SPESP1: variants seen among roughly 807,000 people sequenced by gnomAD.
SPESP1 encodes sperm equatorial segment protein 1.
Under a neutral mutation model 3.1 loss-of-function variants are expected in SPESP1, and 1 was observed. That is an observed-to-expected ratio of 0.33 (90% CI 0.12 to 1.54). The LOEUF is 1.54. SPESP1 is among the 40% of genes most tolerant of loss of function. The pLI, the probability that SPESP1 is intolerant of heterozygous loss-of-function variation, is 0.38. For synonymous variants in SPESP1, 138 were observed against 150.7 expected (o/e 0.92, Z 0.62); for missense variants, 398 against 410.1 (o/e 0.97, Z 0.26).
chr15:68,944,022 C>G (rs1895896114), intron 1 of SPESP1, among the ~76,000 whole-genome samples: 2 of 152,060 alleles, frequency 1.3e-5, no homozygotes, highest in African/African-American at 4.8e-5. Flanking sequence ...AGAAAGTTTA[C>G]TTTATTTAGC....
At position 68,946,150 on chromosome 15, in the gene SPESP1, A is replaced by G; in HGVS notation, c.616A>G (p.Thr206Ala). 1.2e-6 allele frequency: 2 copies of G among 1,614,212 alleles called. No homozygotes were observed. The highest frequency in any genetic ancestry group is 1.7e-6 in the Non-Finnish European group (2 of 1,180,028). ...AGATGTTCCTCAGCTCTCAGGTGAA[A>G]CTGCGATAGAAAAACCCGAAGAGTT... ...SEDVPQLSGE[T>A]AIEKPEEFGK... The change falls in exon 2 of 2, where the codon ACT (threonine) becomes GCT (alanine). Residue 206 changes from threonine to alanine, a missense_variant. Coordinates refer to ENST00000310673, the MANE Select transcript of SPESP1 (RefSeq NM_145658.4).
intron 1 of SPESP1, among the ~76,000 whole-genome samples, chr15:68,937,199 A>G (rs1895703062): frequency 6.6e-6 from 1 of 152,206 alleles, no homozygotes; most frequent in African/African-American, 2.4e-5. Flanking sequence ...AAATTACTAG[A>G]AGTGCAATTA....
chr15:68,933,412 C>T (rs1320191773), intron 1 of SPESP1, among the ~76,000 whole-genome samples: 1 of 152,156 alleles, frequency 6.6e-6, no homozygotes, highest in Non-Finnish European at 1.5e-5. Context: ...TTTATACATT[C>T]AGTTTCCTCT....
At chr15:68,930,766 A>G (rs775586546) in intron 1 of SPESP1, 49 bp downstream of exon 1, 1 of 1,612,220 alleles carries the variant, frequency 6.2e-7, no homozygotes, top group Non-Finnish European at 8.5e-7. Flanking sequence ...CCCTGGGGGA[A>G]CTTCCCGAGC....
intron 1 of SPESP1, among the ~76,000 whole-genome samples, chr15:68,933,554 CT>C (rs1567061886): frequency 6.6e-6 from 1 of 150,576 alleles, no homozygotes; most frequent in African/African-American, 2.4e-5. Context: ...ATTCTTTTTG[CT>C]TTAAAAAAAA....
chr15:68,931,393 C>T (rs1027273942), intron 1 of SPESP1, among the ~76,000 whole-genome samples: 1 of 152,122 alleles, frequency 6.6e-6, no homozygotes, highest in Non-Finnish European at 1.5e-5. Context: ...CACGCTCATT[C>T]CTTTACGTAT....
intron 1 of SPESP1, among the ~76,000 whole-genome samples, chr15:68,941,607 G>T (rs1229684791): frequency 1.4e-5 from 2 of 140,648 alleles, no homozygotes; most frequent in Non-Finnish European, 3.1e-5. Context: ...CCTCTTCTGG[G>T]TGTGTGTCAA....
chr15:68,934,803 T>TA (rs1895642570), intron 1 of SPESP1, among the ~76,000 whole-genome samples: 1 of 152,196 alleles, frequency 6.6e-6, no homozygotes, highest in Non-Finnish European at 1.5e-5. Context: ...TGAAGCATTT[T>TA]AAAAACACAC....
intron 1 of SPESP1, among the ~76,000 whole-genome samples, chr15:68,944,641 C>T (rs1288895922): frequency 6.6e-6 from 1 of 152,100 alleles, no homozygotes; most frequent in Non-Finnish European, 1.5e-5. Flanking sequence ...AACTCACAAA[C>T]TTTTTCTGTA....
chr15:68,933,306 A>C (rs1163270500), intron 1 of SPESP1, among the ~76,000 whole-genome samples: 1 of 152,188 alleles, frequency 6.6e-6, no homozygotes, highest in African/African-American at 2.4e-5. Context: ...AGTTAGACAT[A>C]AATGCAGCTT....
At chr15:68,930,794 T>A (rs1895512760) in intron 1 of SPESP1, 77 bp downstream of exon 1, 1 of 1,603,734 alleles carries the variant, frequency 6.2e-7, no homozygotes, top group Non-Finnish European at 8.5e-7. Context: ...CCTCGAAGCC[T>A]GGCCCTTCCT....
At chr15:68,935,663 G>C (rs1164916339) in intron 1 of SPESP1, among the ~76,000 whole-genome samples, 2 of 152,242 alleles carry the variant, frequency 1.3e-5, no homozygotes, top group Non-Finnish European at 2.9e-5. Flanking sequence ...ATAGCAGGAA[G>C]TGTAAAGCCA....
intron 1 of SPESP1, among the ~76,000 whole-genome samples, chr15:68,937,375 T>C (rs937992645): frequency 6.6e-6 from 1 of 152,224 alleles, no homozygotes; most frequent in East Asian, 1.9e-4. Flanking sequence ...AATATTAAAC[T>C]AACAAATACA....
At chr15:68,942,169 C>CTTTTTTTTTTTTTTTTTTTTTT (rs778249415) in intron 1 of SPESP1, among the ~76,000 whole-genome samples, 15 of 142,852 alleles carry the variant, frequency 1.1e-4, no homozygotes, top group African/African-American at 2.6e-4. Context: ...CATCTTATTT[C>CTTTTTTTTTTTTTTTTTTTTTT]TTTTTTTTTT....
At position 68,945,933 on chromosome 15, in the gene SPESP1, G is replaced by T. The variant is rs3743091; in HGVS notation, c.399G>T (p.Leu133Phe). Residue 133 changes from leucine to phenylalanine, a missense_variant, in exon 2 of 2, where the codon TTG becomes TTT. Leu to Phe is a conservative substitution (Grantham distance 22, BLOSUM62 0). Coordinates refer to ENST00000310673, the MANE Select transcript of SPESP1 (RefSeq NM_145658.4). ...SIKPNNVSIVLHAEEPYIENE... is the reference protein window; with the variant it reads ...SIKPNNVSIVFHAEEPYIENE... ...AACCAAACAATGTTTCCATTGTTTTGCATGCAGAGGAACCTTATATTGAAA... is the reference window on the plus strand; with the variant it reads ...AACCAAACAATGTTTCCATTGTTTTTCATGCAGAGGAACCTTATATTGAAA... 0.057 allele frequency: 91,531 copies of T among 1,613,908 alleles called. 3,247 individuals are homozygous for T. Among genetic ancestry groups the T allele is most frequent in the East Asian group, 0.18 (8,075 of 44,850 alleles).
Position 68,945,781 on chromosome 15 carries a change from G to A in SPESP1, c.247G>A (p.Ala83Thr), listed in dbSNP as rs1895943223. The stretch of plus-strand genomic sequence containing the variant: ...TAAGGAGCTAGTTACACATGGAGAC[G>A]CTTCAACTGAGAATGATGTTTTAAC... ...KFKELVTHGD[A>T]STENDVLTNP... Residue 83 changes from alanine to threonine, a missense_variant, in exon 2 of 2, where the codon GCT becomes ACT. By Grantham distance (58) the Ala-to-Thr change is moderately conservative (BLOSUM62 0). Transcript: ENST00000310673. 3.7e-6 allele frequency: 6 copies of A among 1,613,888 alleles called. No homozygotes were observed. The highest frequency in any genetic ancestry group is 3.3e-5 in the Admixed American group (2 of 59,972).
intron 1 of SPESP1, among the ~76,000 whole-genome samples, chr15:68,934,078 A>T (rs1004916634): frequency 1.3e-5 from 2 of 152,066 alleles, no homozygotes; most frequent in Non-Finnish European, 2.9e-5. Flanking sequence ...AACTTTGCAT[A>T]ATAAGTATAA....
rs554895221 is a variant in SPESP1, at chr15:68,946,434, TAACATGCTGTGTAATTCTAGATCTA to T, written c.904_928del (p.Met302SerfsTer5). On this transcript the variant is annotated frameshift_variant, in exon 2 of 2. Transcript: ENST00000310673. LOFTEE classifies it low-confidence loss of function (END_TRUNC). ...AAATTGATGACATCGAAACTGTTAT[TAACATGCTGTGTAATTCTAGATCTA>T]AACTCTATGAATATTTAGATATTAA... 485 of 1,614,084 alleles carry T rather than the reference TAACATGCTGTGTAATTCTAGATCTA, an allele frequency of 3.0e-4. No homozygotes were observed. In the African/African-American group the frequency reaches 6.1e-3, roughly 20 times the overall value.
rs1214190497 is a variant in SPESP1 at position 68,945,905 on chromosome 15, T to C, written c.371T>C (p.Ile124Thr). The C allele has an allele frequency of 6.2e-7, 1 of 1,614,060 alleles. No individual in the cohort carries two copies. The highest frequency in any genetic ancestry group is 1.1e-5 in the South Asian group (1 of 91,080). The change falls in exon 2 of 2, where the codon ATC becomes ACC. Residue 124 changes from isoleucine to threonine, a missense_variant. Ile to Thr is a moderately conservative substitution (Grantham distance 89). Transcript: ENST00000310673. Reference protein sequence around the residue: ...KHTESTPFWSIKPNNVSIVLH... With the variant: ...KHTESTPFWSTKPNNVSIVLH... The stretch of plus-strand genomic sequence containing the variant: ...ACGGAAAGTACCCCATTCTGGTCGA[T>C]CAAACCAAACAATGTTTCCATTGTT...
Sources: gnomAD v4.1 joint callset for allele counts (sites outside exome capture counted in the v4.1 genomes callset) on GRCh38, gnomAD v4.1.1 for gene constraint, MANE v1.5 for transcripts, NCBI Gene and HGNC (gene_info 2026-07-23, HGNC 2026-07-21) for gene names.